Variants in UGT1A8 observed in about 807,000 individuals in gnomAD.
The protein encoded by UGT1A8 is UDP-glucuronosyltransferase 1A8.
UGT1A8 carries 39 observed loss-of-function variants against 45.3 expected under a neutral mutation model. That is an observed-to-expected ratio of 0.86 (90% confidence interval 0.67 to 1.12). The LOEUF (loss-of-function observed/expected upper bound fraction) is 1.12. Ranked by LOEUF, UGT1A8 falls within the 50% of genes most tolerant of loss-of-function variation. The pLI is 0.00. For missense variants in UGT1A8, 719 were observed against 664.9 expected (o/e 1.08, Z -0.90); for synonymous variants, 275 against 249.2 (o/e 1.10, Z -0.97).
chr2:233,670,762 T>C (rs1013746773), intron 1 of UGT1A8, among the ~76,000 whole-genome samples: 5 of 152,196 alleles, frequency 3.3e-5, no homozygotes, highest in Admixed American at 2.6e-4. Context: ...ACACCTTCAG[T>C]GTTGAACTCA....
chr2:233,685,750 T>C (rs921568382), intron 1 of UGT1A8, among the ~76,000 whole-genome samples: 1 of 152,254 alleles, frequency 6.6e-6, no homozygotes, highest in Non-Finnish European at 1.5e-5. Flanking sequence ...TTTTCTTCCA[T>C]TTTAAAGAAA....
chr2:233,685,792 G>T (rs1336439537), intron 1 of UGT1A8, among the ~76,000 whole-genome samples: 2 of 151,898 alleles, frequency 1.3e-5, no homozygotes, highest in Non-Finnish European at 2.9e-5. Flanking sequence ...AGAAAATCTT[G>T]GCATGTTGTC....
intron 1 of UGT1A8, among the ~76,000 whole-genome samples, chr2:233,621,208 T>A (rs2072996601): frequency 6.6e-6 from 1 of 152,204 alleles, no homozygotes; most frequent in Non-Finnish European, 1.5e-5. Context: ...GTATGGTCAT[T>A]GTTTTACATT....
chr2:233,693,521 G>T (rs563235726), intron 1 of UGT1A8: 7 of 1,614,156 alleles, frequency 4.3e-6, no homozygotes, highest in Admixed American at 1.7e-5. Flanking sequence ...CCTCTTCAGG[G>T]GTTTTCCGTG....
chr2:233,713,382 C>G lies in UGT1A8; in HGVS notation c.856-53652C>G, dbSNP rs201021989. 48 of 1,614,012 alleles carry G rather than the reference C, an allele frequency of 3.0e-5. No homozygotes were observed. The highest frequency in any genetic ancestry group is 4.0e-5 in the Non-Finnish European group (47 of 1,180,030). ...GATCATACATAGGTCTTGTGTGGAG[C>G]TACTGCATAATGAGGCCCTGATCAG... On this transcript the variant is annotated intron_variant, in intron 1 of 4. Coordinates refer to ENST00000373450, the MANE Select transcript of UGT1A8 (RefSeq NM_019076.5).
rs370807369 is a variant in UGT1A8 at position 233,618,400 on chromosome 2, C to T, written c.693C>T (p.Ala231=). 6 of 1,613,800 alleles carry T rather than the reference C, an allele frequency of 3.7e-6. No homozygotes were observed. The African/African-American group carries it at 6.7e-5, about 18-fold the overall frequency. The change falls in exon 1 of 5, where the codon GCC becomes GCT. Residue 231 remains alanine (A), a synonymous_variant. Coordinates refer to ENST00000373450, the MANE Select transcript of UGT1A8 (RefSeq NM_019076.5). The part of the protein sequence containing the change: ...QYFSKNALEI[A]SEILQTPVTA... Reference sequence around the variant, plus strand: ...TTTCCAAAAATGCCCTAGAAATAGCCTCTGAAATTCTCCAAACACCTGTCA... The same window carrying T: ...TTTCCAAAAATGCCCTAGAAATAGCTTCTGAAATTCTCCAAACACCTGTCA...
chr2:233,705,478 A>G (rs1475008681), intron 1 of UGT1A8, among the ~76,000 whole-genome samples: 1 of 152,162 alleles, frequency 6.6e-6, no homozygotes, highest in East Asian at 1.9e-4. Context: ...CATGAGGCAA[A>G]TTTAATGATA....
At chr2:233,729,082 G>C (rs2077787378) in intron 1 of UGT1A8, 1 of 1,612,252 alleles carries the variant, frequency 6.2e-7, no homozygotes, top group Non-Finnish European at 8.5e-7. Context: ...AATGTAGCAG[G>C]CACAGCGTGG....
At chr2:233,719,798 T>C (rs2125672120) in intron 1 of UGT1A8, 1 of 1,604,450 alleles carries the variant, frequency 6.2e-7, no homozygotes, top group Non-Finnish European at 8.5e-7. Flanking sequence ...GATTTTATTT[T>C]GGCTTCTTTA....
chr2:233,719,044 T>C (rs2076716677), intron 1 of UGT1A8: 2 of 1,614,154 alleles, frequency 1.2e-6, no homozygotes, highest in African/African-American at 1.3e-5. Flanking sequence ...GAGAAATTTT[T>C]CACCCTGACA....
intron 1 of UGT1A8, among the ~76,000 whole-genome samples, chr2:233,758,754 A>G (rs888171679): frequency 2.0e-5 from 3 of 152,132 alleles, no homozygotes; most frequent in African/African-American, 7.2e-5. Context: ...CTGGCCAGTG[A>G]TGTGTATGGT....
chr2:233,741,124 A>T (rs1048949215), intron 1 of UGT1A8, among the ~76,000 whole-genome samples: 1 of 151,714 alleles, frequency 6.6e-6, no homozygotes, highest in Non-Finnish European at 1.5e-5. Context: ...ACTTCTATAA[A>T]AGCAACACTT....
At chr2:233,712,414 T>A (rs2125628323) in intron 1 of UGT1A8, among the ~76,000 whole-genome samples, 1 of 152,336 alleles carries the variant, frequency 6.6e-6, no homozygotes, top group East Asian at 1.9e-4. Flanking sequence ...CTTTGAGCTT[T>A]ACAAGAAATA....
At chr2:233,748,322 T>C (rs905546123) in intron 1 of UGT1A8, among the ~76,000 whole-genome samples, 5 of 151,864 alleles carry the variant, frequency 3.3e-5, no homozygotes, top group African/African-American at 4.9e-5. Context: ...CTAGGACTGA[T>C]GTGACTCATG....
intron 1 of UGT1A8, among the ~76,000 whole-genome samples, chr2:233,678,992 A>C (rs1356858850): frequency 6.6e-6 from 1 of 152,204 alleles, no homozygotes; most frequent in East Asian, 1.9e-4. Flanking sequence ...CTCTTTCTAT[A>C]ATAACAGTGG....
chr2:233,724,264 C>T (rs1250827727), intron 1 of UGT1A8, among the ~76,000 whole-genome samples: 29 of 116,506 alleles, frequency 2.5e-4, no homozygotes, highest in African/African-American at 4.8e-4. Flanking sequence ...ACCTCCCGGA[C>T]GGGGCGGCTG....
chr2:233,754,768 C>T, intron 1 of UGT1A8: 1 of 1,017,180 alleles, frequency 9.8e-7, no homozygotes, highest in Non-Finnish European at 1.4e-6. Context: ...CCCCCACTTC[C>T]CAGGGAGCCA....
At position 233,693,383 on chromosome 2, in the gene UGT1A8, C is replaced by G. The variant is rs201638322; in HGVS notation, c.856-73651C>G. On this transcript the variant is annotated intron_variant, in intron 1 of 4. Transcript: ENST00000373450. ...TATTGGCCTGTACTTCATCAACTGC[C>G]AGAGCCTCCTGCAGGACAGGGACAC... 12 of 1,614,036 alleles carry G rather than the reference C, an allele frequency of 7.4e-6. No homozygotes were observed. The African/African-American group carries it at 1.2e-4, about 16-fold the overall frequency.
At chr2:233,625,048 C>T (rs1289701911) in intron 1 of UGT1A8, among the ~76,000 whole-genome samples, 1 of 152,068 alleles carries the variant, frequency 6.6e-6, no homozygotes, top group East Asian at 1.9e-4. Flanking sequence ...TACTAACAAC[C>T]ATTTACCAAA....
Sources: allele counts gnomAD v4.1 joint callset (sites outside exome capture counted in the v4.1 genomes callset), GRCh38; gene constraint gnomAD v4.1.1; transcripts MANE v1.5; gene names NCBI Gene and HGNC (gene_info 2026-07-23, HGNC 2026-07-21).